RETREG3: variants seen among roughly 807,000 people sequenced by gnomAD.
RETREG3 encodes the protein reticulophagy regulator family member 3.
A neutral mutation model predicts 50.2 loss-of-function variants in RETREG3; 23 were observed. The observed-to-expected ratio is 0.46, with a 90% CI of 0.33 to 0.65. The LOEUF (loss-of-function observed/expected upper bound fraction) is 0.65, where lower values mean the gene tolerates loss of function less well. Ranked by LOEUF, RETREG3 falls within the 30% of genes least tolerant of loss-of-function variation. RETREG3 has a pLI of 0.02. For missense variants in RETREG3, 546 were observed against 598.0 expected (o/e 0.91, Z 0.91); for synonymous variants, 240 against 234.4 (o/e 1.02, Z -0.22).
At chr17:42,588,628 G>A (rs1157770270) in intron 2 of RETREG3, among the ~76,000 whole-genome samples, 1 of 151,610 alleles carries the variant, frequency 6.6e-6, no homozygotes, top group Non-Finnish European at 1.5e-5. Flanking sequence ...CATCACAGGC[G>A]TGAGCTACCG....
intron 5 of RETREG3, 104 bp from the exon 6 acceptor site, chr17:42,585,366 T>TG: frequency 6.8e-7 from 1 of 1,480,432 alleles, no homozygotes; most frequent in Non-Finnish European, 9.1e-7. Context: ...ACACAAAGTG[T>TG]GGAACAGATC....
chr17:42,582,105 G>A lies in RETREG3; in HGVS notation c.1109C>T (p.Pro370Leu), dbSNP rs201128742. 7 of 1,614,126 alleles carry A rather than the reference G, an allele frequency of 4.3e-6. No individual in the cohort carries two copies. The highest frequency in any genetic ancestry group is 5.9e-6 in the Non-Finnish European group (7 of 1,180,026). Residue 370 changes from proline to leucine, a missense_variant, in exon 9 of 9, where the codon CCA becomes CTA. Coordinates refer to ENST00000309428, the MANE Select transcript of RETREG3 (RefSeq NM_178126.4). Reference sequence around the variant, plus strand: ...CGCAGCCTCGTCCCGGCTGGCAGGTGGGGCCTGGGGCTCCTCAGCCCCTGG... The same window carrying A: ...CGCAGCCTCGTCCCGGCTGGCAGGTAGGGCCTGGGGCTCCTCAGCCCCTGG... ...SPPGAEEPQA[P>L]PASRDEAALP...
intron 6 of RETREG3, among the ~76,000 whole-genome samples, chr17:42,584,376 A>T (rs141070425): frequency 9.2e-5 from 14 of 152,304 alleles, no homozygotes; most frequent in African/African-American, 3.1e-4. Context: ...AGACCACACA[A>T]GGGAGGGAAA....
At chr17:42,594,423 G>C (rs1426597157) in intron 1 of RETREG3, among the ~76,000 whole-genome samples, 2 of 152,054 alleles carry the variant, frequency 1.3e-5, no homozygotes, top group Non-Finnish European at 2.9e-5. Context: ...AGGTGCAGTG[G>C]CGTGCCTGTA....
intron 1 of RETREG3, among the ~76,000 whole-genome samples, chr17:42,595,112 T>C (rs947693255): frequency 3.3e-5 from 5 of 150,778 alleles, no homozygotes; most frequent in African/African-American, 4.9e-5. Context: ...ACTACATGCA[T>C]GCACCACCAC....
chr17:42,602,430 C>T (rs901783929), intron 1 of RETREG3, among the ~76,000 whole-genome samples: 9 of 152,038 alleles, frequency 5.9e-5, no homozygotes, highest in African/African-American at 1.2e-4. Context: ...CAATGCTGTA[C>T]GACTAATAGC....
In RETREG3 at chr17:42,609,124, C is replaced by A. The variant is rs764791854; in HGVS notation, c.201G>T (p.Arg67Ser). The change falls in exon 1 of 9, where the codon AGG becomes AGT. Residue 67 changes from arginine (R) to serine (S), a missense_variant. Transcript: ENST00000309428. ...TCAGCCCCAGGCACCACAGAGCGCT[C>A]CTAGCTGGCCGCTCCCACACCAGGG... is the stretch of plus-strand genomic sequence containing the variant. ...QAALVWERPARSALWCLGLNA... is the reference protein window; with the variant it reads ...QAALVWERPASSALWCLGLNA... 1 of 1,608,862 alleles carries A rather than the reference C, an allele frequency of 6.2e-7. No individual in the cohort carries two copies. The highest frequency in any genetic ancestry group is 1.1e-5 in the South Asian group (1 of 91,024).
In RETREG3 at chr17:42,581,596, A is replaced by C. The variant is rs1343558627; in HGVS notation, c.*217T>G. On this transcript the variant is annotated 3_prime_UTR_variant, in exon 9 of 9. Coordinates refer to ENST00000309428, the MANE Select transcript of RETREG3 (RefSeq NM_178126.4). ...AGAGAAGCCTCCCTTGGGGGAGCACACTCTCACTTCAGTGACTGAGCTCAG... is the reference window on the plus strand; with the variant it reads ...AGAGAAGCCTCCCTTGGGGGAGCACCCTCTCACTTCAGTGACTGAGCTCAG... 1.9e-6 allele frequency: 1 copy of C among 527,124 alleles called. No individual in the cohort carries two copies. Among genetic ancestry groups the C allele is most frequent in the Non-Finnish European group, 3.3e-6 (1 of 300,112 alleles). The allele number at this position is 527,124 out of a possible 1,614,324, so 32.7% of individuals were successfully genotyped here.
chr17:42,585,968 G>T lies in RETREG3; in HGVS notation c.589+85C>A, dbSNP rs192590641. On this transcript the variant is annotated intron_variant, in intron 5 of 8. Transcript: ENST00000309428. ...TATCCTAGAGAATTGAAATATAACA[G>T]TCCTCTCCCCACACCTAGAGTTAGC... 3 of 1,224,056 alleles carry T rather than the reference G, an allele frequency of 2.5e-6. No homozygotes were observed. In the East Asian group the frequency reaches 7.0e-5, roughly 29 times the overall value. 75.8% of individuals were successfully genotyped at this position (1,224,056 alleles called of 1,614,324 possible).
At chr17:42,594,481 G>A (rs1055794715) in intron 1 of RETREG3, among the ~76,000 whole-genome samples, 1 of 151,970 alleles carries the variant, frequency 6.6e-6, no homozygotes, top group African/African-American at 2.4e-5. Context: ...CTGAACCTGG[G>A]AGGTGGAGGT....
intron 1 of RETREG3, among the ~76,000 whole-genome samples, chr17:42,596,873 A>AT (rs11420307): frequency 0.94 from 135,058 of 144,346 alleles, 63,154 homozygotes; most frequent in East Asian, 0.99. Context: ...GTTTGGAAGA[A>AT]TTTTTTTTTT....
rs1013277490 is a variant in RETREG3 at position 42,579,976 on chromosome 17, T to C, written c.*1837A>G. The C allele has an allele frequency of 1.3e-5, 2 of 152,800 alleles. No homozygotes were observed. The highest frequency in any genetic ancestry group is 4.8e-5 in the African/African-American group (2 of 41,424). 9.5% of individuals were successfully genotyped at this position (152,800 alleles called of 1,614,324 possible). A position where few individuals can be genotyped will look rare whatever the true frequency, so the allele number is the denominator to read the frequency against. On this transcript the variant is annotated 3_prime_UTR_variant, in exon 9 of 9. Coordinates refer to ENST00000309428, the MANE Select transcript of RETREG3 (RefSeq NM_178126.4). The stretch of plus-strand genomic sequence containing the variant: ...CTCTGTCCAACATCCCTCACCCAAG[T>C]ACAGGGGTGTTGGGGGAGTGGCCCC...
At chr17:42,605,601 G>A (rs562979239) in intron 1 of RETREG3, among the ~76,000 whole-genome samples, 1 of 152,294 alleles carries the variant, frequency 6.6e-6, no homozygotes, top group South Asian at 2.1e-4. Context: ...TCCAATGCCA[G>A]ACTATCCAAG....
At chr17:42,595,666 CTTTTT>C (rs770492649) in intron 1 of RETREG3, among the ~76,000 whole-genome samples, 1 of 134,454 alleles carries the variant, frequency 7.4e-6, no homozygotes. Flanking sequence ...TTCTTTCTTT[CTTTTT>C]TTTTTTTTTT....
At chr17:42,604,361 TCA>T (rs779005487) in intron 1 of RETREG3, among the ~76,000 whole-genome samples, 18 of 152,220 alleles carry the variant, frequency 1.2e-4, no homozygotes, top group Non-Finnish European at 2.1e-4. Flanking sequence ...CTATGTAGAT[TCA>T]CAGATTGTTA....
At chr17:42,598,513 C>G (rs1416329743) in intron 1 of RETREG3, 1 of 152,154 alleles carries the variant, frequency 6.6e-6, no homozygotes, top group Admixed American at 6.6e-5. Context: ...TCTCTCCCCA[C>G]ACTGATTCCC....
rs1368024508 is a variant in RETREG3, at chr17:42,587,412, G to C, written c.377+422C>G. 3.3e-5 allele frequency among the ~76,000 whole-genome samples: 5 copies of C among 152,340 alleles called. No homozygotes were observed. The Middle Eastern group carries it at 0.01, about 311-fold the overall frequency. Reference sequence around the variant, plus strand: ...AAGCAGGAGCTGTAAGACACAAGAGGAATCTTTGGCTTTGACTTGCTGATG... The same window carrying C: ...AAGCAGGAGCTGTAAGACACAAGAGCAATCTTTGGCTTTGACTTGCTGATG... On this transcript the variant is annotated intron_variant, in intron 3 of 8. Transcript: ENST00000309428.
chr17:42,588,640 A>G lies in RETREG3; in HGVS notation c.347-776T>C, dbSNP rs559003001. ...TGGCATCACAGGCGTGAGCTACCGT[A>G]CCCAGCCGAAATCTGCCTGTTCTCT... On this transcript the variant is annotated intron_variant, in intron 2 of 8. Coordinates refer to ENST00000309428, the MANE Select transcript of RETREG3 (RefSeq NM_178126.4). Among the ~76,000 whole-genome samples, 40 of 151,088 alleles carry G rather than the reference A, an allele frequency of 2.6e-4. No individual in the cohort carries two copies. In the South Asian group the frequency reaches 4.2e-3, roughly 16 times the overall value.
rs202004998 is a variant in RETREG3 at position 42,586,820 on chromosome 17, C to G, written c.449G>C (p.Ser150Thr). 2.7e-5 allele frequency: 44 copies of G among 1,614,186 alleles called. 1 individual carries two copies. The East Asian group carries it at 9.8e-4, about 36-fold the overall frequency. ...LCHHVAEVWVSGTIFIRNVLL... is the reference protein window; with the variant it reads ...LCHHVAEVWVTGTIFIRNVLL... Reference sequence around the variant, plus strand: ...AACATTCCTTATGAAAATGGTCCCACTAACCCAGACTTCAGCTACATGGTG... The same window carrying G: ...AACATTCCTTATGAAAATGGTCCCAGTAACCCAGACTTCAGCTACATGGTG... Residue 150 changes from serine to threonine, a missense_variant, in exon 4 of 9, where the codon AGT (serine) becomes ACT (threonine). Transcript: ENST00000309428.
Sources: allele counts gnomAD v4.1 joint callset (sites outside exome capture counted in the v4.1 genomes callset), GRCh38; gene constraint gnomAD v4.1.1; transcripts MANE v1.5; gene names NCBI Gene and HGNC (gene_info 2026-07-23, HGNC 2026-07-21).